The following INPP5A variants were observed in gnomAD, a reference collection of about 807,000 sequenced individuals.
INPP5A encodes 43 kDa inositol polyphosphate 5-phophatase.
In INPP5A, 14 loss-of-function variants were observed where a neutral mutation model predicts 65.2. That is an observed-to-expected ratio of 0.21 (90% CI 0.14 to 0.34). The LOEUF is 0.34. INPP5A is among the 10% of genes least tolerant of loss of function. INPP5A has a pLI of 1.00. For synonymous variants in INPP5A, 207 were observed against 208.3 expected (o/e 0.99, Z 0.05); for missense variants, 431 against 545.6 (o/e 0.79, Z 2.09).
At chr10:132,559,105 C>T (rs1439600955) in intron 1 of INPP5A, among the ~76,000 whole-genome samples, 1 of 152,258 alleles carries the variant, frequency 6.6e-6, no homozygotes, top group African/African-American at 2.4e-5. Flanking sequence ...GCCCGGCTGG[C>T]CACTCACTGC....
intron 4 of INPP5A, among the ~76,000 whole-genome samples, chr10:132,685,503 CG>C (rs2073104042): frequency 6.6e-6 from 1 of 152,198 alleles, no homozygotes; most frequent in African/African-American, 2.4e-5. Context: ...GTTTTGTGCA[CG>C]AGGGAGCTGG....
chr10:132,600,173 C>A (rs1337458064), intron 1 of INPP5A, among the ~76,000 whole-genome samples: 2 of 152,226 alleles, frequency 1.3e-5, no homozygotes, highest in African/African-American at 2.4e-5. Context: ...CATATTCAGG[C>A]TTCAAATTTT....
intron 1 of INPP5A, among the ~76,000 whole-genome samples, chr10:132,589,538 C>T (rs891802748): frequency 6.6e-6 from 1 of 152,252 alleles, no homozygotes; most frequent in African/African-American, 2.4e-5. Context: ...CCAGCATTTT[C>T]TTCCTGTTGG....
At position 132,551,837 on chromosome 10, in the gene INPP5A, A is replaced by G. The variant is rs1235239882; in HGVS notation, c.75+13666A>G. Among the ~76,000 whole-genome samples, 1 of 152,224 alleles carries G rather than the reference A, an allele frequency of 6.6e-6. No individual in the cohort carries two copies. The highest frequency in any genetic ancestry group is 1.5e-5 in the Non-Finnish European group (1 of 68,042). On this transcript the variant is annotated intron_variant, in intron 1 of 15. Transcript: ENST00000368594. This position sits in a 1 kb window ranked among gnomAD's most constrained non-coding sequence, Gnocchi z 5.3. Reference sequence around the variant, plus strand: ...GAAGAGCCAGCCGGGGTCTTCTCTGAATAGTCGGCTGCACGATTAAACTGG... The same window carrying G: ...GAAGAGCCAGCCGGGGTCTTCTCTGGATAGTCGGCTGCACGATTAAACTGG...
intron 2 of INPP5A, among the ~76,000 whole-genome samples, chr10:132,636,713 G>A (rs2072357528): frequency 6.6e-6 from 1 of 152,186 alleles, no homozygotes; most frequent in South Asian, 2.1e-4. Context: ...AAGGGCTGAT[G>A]GGGGCAAAAT....
chr10:132,682,612 C>T (rs1305204903), intron 4 of INPP5A, among the ~76,000 whole-genome samples: 1 of 152,234 alleles, frequency 6.6e-6, no homozygotes, highest in Admixed American at 6.5e-5. Context: ...GGAGGGGCAA[C>T]GTGGTGGTGC....
intron 3 of INPP5A, among the ~76,000 whole-genome samples, chr10:132,648,370 A>G (rs1227029940): frequency 1.3e-5 from 2 of 152,226 alleles, no homozygotes; most frequent in African/African-American, 2.4e-5. Flanking sequence ...CTTTATGCCT[A>G]ATGTACAGCG....
chr10:132,750,905 C>G (rs563147955), intron 11 of INPP5A, among the ~76,000 whole-genome samples: 1 of 152,226 alleles, frequency 6.6e-6, no homozygotes, highest in African/African-American at 2.4e-5. Context: ...ACACTGCAGC[C>G]GCGTTCACAT....
At position 132,555,507 on chromosome 10, in the gene INPP5A, G is replaced by A. The variant is rs1053678574; in HGVS notation, c.75+17336G>A. The stretch of plus-strand genomic sequence containing the variant: ...GAAGTGACTCAGGGGACCTGGCGCC[G>A]TTGGTGTGTGCTCACAAAGTGCACG... On this transcript the variant is annotated intron_variant, in intron 1 of 15. Coordinates refer to ENST00000368594, the MANE Select transcript of INPP5A (RefSeq NM_005539.5). The surrounding 1 kb of genome is among the most constrained non-coding windows in gnomAD (Gnocchi z 4.4). Among the ~76,000 whole-genome samples the A allele has an allele frequency of 2.0e-5, 3 of 152,106 alleles. No individual in the cohort carries two copies. Among genetic ancestry groups the A allele is most frequent in the Non-Finnish European group, 4.4e-5 (3 of 68,010 alleles).
At chr10:132,761,113 G>A (rs1008752856) in intron 11 of INPP5A, among the ~76,000 whole-genome samples, 24 of 152,212 alleles carry the variant, frequency 1.6e-4, no homozygotes, top group Admixed American at 1.6e-3. Context: ...CGTCTGGTTC[G>A]ACCTCGACTC....
chr10:132,592,758 T>G (rs2071634414), intron 1 of INPP5A, among the ~76,000 whole-genome samples: 1 of 152,246 alleles, frequency 6.6e-6, no homozygotes, highest in Admixed American at 6.5e-5. Flanking sequence ...GCATGTATAG[T>G]CCTAATCTGA....
chr10:132,665,161 T>G (rs2072785900), intron 4 of INPP5A, among the ~76,000 whole-genome samples: 1 of 152,180 alleles, frequency 6.6e-6, no homozygotes, highest in Non-Finnish European at 1.5e-5. Flanking sequence ...TTCCCTCGCC[T>G]TTGCAGACAC....
intron 9 of INPP5A, among the ~76,000 whole-genome samples, chr10:132,738,753 G>C (rs1440622245): frequency 1.3e-5 from 2 of 152,206 alleles, no homozygotes; most frequent in Non-Finnish European, 2.9e-5. Context: ...TGTTGTTCTG[G>C]GTGGCCGTTG....
At chr10:132,660,803 G>A (rs924330119) in intron 4 of INPP5A, among the ~76,000 whole-genome samples, 2 of 152,214 alleles carry the variant, frequency 1.3e-5, no homozygotes, top group African/African-American at 4.8e-5. Context: ...AGGGACAAGT[G>A]TGTTGTTTCA....
intron 2 of INPP5A, among the ~76,000 whole-genome samples, chr10:132,614,658 G>A (rs1287060769): frequency 1.3e-5 from 2 of 152,208 alleles, no homozygotes; most frequent in African/African-American, 2.4e-5. Context: ...GCCAGCCCCC[G>A]CTGCTGTCTT....
At chr10:132,760,104 G>A (rs1041494550) in intron 11 of INPP5A, among the ~76,000 whole-genome samples, 1 of 152,220 alleles carries the variant, frequency 6.6e-6, no homozygotes, top group African/African-American at 2.4e-5. Context: ...ACGAATTCAT[G>A]TCGGCCAAGA....
Position 132,627,625 on chromosome 10 carries a change from C to T in INPP5A, c.118-18243C>T, listed in dbSNP as rs984086741. 3.9e-5 allele frequency among the ~76,000 whole-genome samples: 6 copies of T among 152,186 alleles called. No individual in the cohort carries two copies. The highest frequency in any genetic ancestry group is 1.4e-4 in the African/African-American group (6 of 41,446). On this transcript the variant is annotated intron_variant, in intron 2 of 15. Coordinates refer to ENST00000368594, the MANE Select transcript of INPP5A (RefSeq NM_005539.5). This position sits in a 1 kb window ranked among gnomAD's most constrained non-coding sequence, Gnocchi z 6.6. The stretch of plus-strand genomic sequence containing the variant: ...ACGAGGGAGTGAGAGCCGAAAAAGA[C>T]ACCTTCCAGGAATCGTGGTGAAAGC...
intron 11 of INPP5A, among the ~76,000 whole-genome samples, chr10:132,763,270 G>A (rs1846766137): frequency 6.6e-6 from 1 of 152,194 alleles, no homozygotes; most frequent in Admixed American, 6.5e-5. Flanking sequence ...TAGTCTCATA[G>A]CTGGTGCCTG....
chr10:132,761,852 G>A (rs921929373), intron 11 of INPP5A, among the ~76,000 whole-genome samples: 41 of 152,046 alleles, frequency 2.7e-4, no homozygotes, highest in Non-Finnish European at 4.3e-4. Flanking sequence ...AGGACAGACC[G>A]TCAATAATGC....
Sources: gnomAD v4.1 joint callset for allele counts (sites outside exome capture counted in the v4.1 genomes callset) on GRCh38, gnomAD v4.1.1 for gene constraint, Gnocchi (gnomAD v3.1) non-coding constraint, MANE v1.5 for transcripts, NCBI Gene and HGNC (gene_info 2026-07-23, HGNC 2026-07-21) for gene names.